CARS1: variants seen among roughly 807,000 people sequenced by gnomAD.
CARS1 encodes cysteinyl-tRNA synthetase 1.
CARS1 carries 48 observed loss-of-function variants against 106.2 expected under a neutral mutation model. The observed-to-expected ratio is 0.45, with a 90% confidence interval of 0.36 to 0.57. The LOEUF (loss-of-function observed/expected upper bound fraction) is 0.57, where lower values mean the gene tolerates loss of function less well. Among genes scored for constraint, CARS1 ranks in the 20% least tolerant of loss-of-function variants. The pLI is 0.00. For synonymous variants in CARS1, 409 were observed against 403.4 expected (o/e 1.01, Z -0.17); for missense variants, 968 against 1,057.2 (o/e 0.92, Z 1.17).
Position 3,020,130 on chromosome 11 carries a change from A to G in CARS1, c.1266+90T>C. 1.2e-6 allele frequency: 1 copy of G among 816,196 alleles called. No individual in the cohort carries two copies. 50.6% of individuals were successfully genotyped at this position (816,196 alleles called of 1,614,324 possible). ...CTGGCCCAGTGACAACATCCTTCAC[A>G]CACAGAGCGGCCCTCTGCTGGGGGC... On this transcript the variant is annotated intron_variant, in intron 11 of 22. Coordinates refer to ENST00000380525, the MANE Select transcript of CARS1 (RefSeq NM_001014437.3). This position sits in a 1 kb window ranked among gnomAD's most constrained non-coding sequence, Gnocchi z 4.6.
rs1851150634 is a variant in CARS1, at chr11:3,017,459, A to C, written c.1728-164T>G. On this transcript the variant is annotated intron_variant, in intron 15 of 22. Transcript: ENST00000380525. This position sits in a 1 kb window ranked among gnomAD's most constrained non-coding sequence, Gnocchi z 4.9. ...GGAGTTCGAGACCAGCCTGACAAACATGGAGAGACCCCCACCTCTACTAAA... is the reference window on the plus strand; with the variant it reads ...GGAGTTCGAGACCAGCCTGACAAACCTGGAGAGACCCCCACCTCTACTAAA... 1 of 610,638 alleles carries C rather than the reference A, an allele frequency of 1.6e-6. No homozygotes were observed. Among genetic ancestry groups the C allele is most frequent in the African/African-American group, 1.8e-5 (1 of 54,174 alleles). 37.8% of individuals were successfully genotyped at this position (610,638 alleles called of 1,614,324 possible). A position where few individuals can be genotyped will look rare whatever the true frequency, so the allele number is the denominator to read the frequency against.
rs1418750702 is a variant in CARS1 at position 3,028,958 on chromosome 11, G to C, written c.1031+38C>G. On this transcript the variant is annotated intron_variant, in intron 9 of 22. Coordinates refer to ENST00000380525, the MANE Select transcript of CARS1 (RefSeq NM_001014437.3). The surrounding 1 kb of genome is among the most constrained non-coding windows in gnomAD (Gnocchi z 4.4). ...GGAGCTCCTCCCTGTGCGATGTTCTGCAGCCCTTCCCTCCCTAGGGAAGGC... is the reference window on the plus strand; with the variant it reads ...GGAGCTCCTCCCTGTGCGATGTTCTCCAGCCCTTCCCTCCCTAGGGAAGGC... 1 of 1,412,672 alleles carries C rather than the reference G, an allele frequency of 7.1e-7. No individual in the cohort carries two copies. The highest frequency in any genetic ancestry group is 1.1e-5 in the South Asian group (1 of 87,020). The allele number at this position is 1,412,672 out of a possible 1,614,324, so 87.5% of individuals were successfully genotyped here.
Position 3,022,632 on chromosome 11 carries a change from G to A in CARS1, c.1154-2300C>T, listed in dbSNP as rs1851669141. ...CTGTCTCTCTCCCCAGAGGCAGAGT[G>A]AGTGTTTCTAGCTTTGACCCTACAA... On this transcript the variant is annotated intron_variant, in intron 10 of 22. Coordinates refer to ENST00000380525, the MANE Select transcript of CARS1 (RefSeq NM_001014437.3). This position sits in a 1 kb window ranked among gnomAD's most constrained non-coding sequence, Gnocchi z 4.9. 6.6e-6 allele frequency among the ~76,000 whole-genome samples: 1 copy of A among 152,206 alleles called. No homozygotes were observed. Among genetic ancestry groups the A allele is most frequent in the South Asian group, 2.1e-4 (1 of 4,826 alleles).
At chr11:3,054,999 A>G (rs1856056181) in intron 1 of CARS1, 1 of 702,394 alleles carries the variant, frequency 1.4e-6, no homozygotes. Flanking sequence ...GCTCTTGGAC[A>G]GGCACCAAGC....
chr11:3,001,325 G>T (rs756159790), intron 22 of CARS1, 77 bp from the exon 23 acceptor site: 69 of 1,523,430 alleles, frequency 4.5e-5, no homozygotes, highest in Non-Finnish European at 6.0e-5. Flanking sequence ...TTGCCCTCCC[G>T]TCTCAAAGTG....
At position 3,002,570 on chromosome 11, in the gene CARS1, C is replaced by T. The variant is rs1208649326; in HGVS notation, c.2248G>A (p.Glu750Lys). The change falls in exon 21 of 23, where the codon GAG (glutamate) becomes AAG (lysine). Residue 750 changes from glutamate to lysine, a missense_variant. Glu to Lys is a moderately conservative substitution (Grantham distance 56). Transcript: ENST00000380525. ...VEEEKRKKKE[E>K]AARRKQEQEA... The stretch of plus-strand genomic sequence containing the variant: ...TGTTCCTGTTTCCTCCGGGCCGCCT[C>T]CTCTTTCTTCTTCCTCTTCTCCTCT... The T allele has an allele frequency of 3.7e-6, 6 of 1,614,098 alleles. No individual in the cohort carries two copies. Among genetic ancestry groups the T allele is most frequent in the Non-Finnish European group, 4.2e-6 (5 of 1,180,014 alleles).
chr11:3,015,202 G>A (rs910624810), intron 17 of CARS1, among the ~76,000 whole-genome samples: 2 of 152,210 alleles, frequency 1.3e-5, no homozygotes, highest in Non-Finnish European at 2.9e-5. Context: ...CCACTAGACA[G>A]GGGGCTCTAC....
intron 1 of CARS1, among the ~76,000 whole-genome samples, chr11:3,054,706 A>G (rs923729082): frequency 2.6e-5 from 4 of 152,240 alleles, no homozygotes; most frequent in African/African-American, 9.6e-5. Flanking sequence ...TCATCTGTAC[A>G]AGATGCCGGC....
At position 3,020,291 on chromosome 11, in the gene CARS1, A is replaced by G; in HGVS notation, c.1195T>C (p.Ser399Pro). 6.2e-7 allele frequency: 1 copy of G among 1,613,964 alleles called. No homozygotes were observed. The highest frequency in any genetic ancestry group is 8.5e-7 in the Non-Finnish European group (1 of 1,179,884). Residue 399 changes from serine (S) to proline (P), a missense_variant, in exon 11 of 23, where the codon TCT becomes CCT. Physicochemically the swap from Ser to Pro is moderately conservative, Grantham distance 74. Coordinates refer to ENST00000380525, the MANE Select transcript of CARS1 (RefSeq NM_001014437.3). The surrounding 1 kb of genome is among the most constrained non-coding windows in gnomAD (Gnocchi z 4.6). ...TTCCATAAGGCAAAGTCGTTGGGAG[A>G]GCGCTTCTCACTCAGGCGGTCTGCA... is the stretch of plus-strand genomic sequence containing the variant. The part of the protein sequence containing the change: ...ISADRLSEKR[S>P]PNDFALWKAS...
rs1300615724 is a variant in CARS1 at position 3,040,703 on chromosome 11, T to C, written c.455+193A>G. On this transcript the variant is annotated intron_variant, in intron 4 of 22. Transcript: ENST00000380525. This position sits in a 1 kb window ranked among gnomAD's most constrained non-coding sequence, Gnocchi z 5.8. Reference sequence around the variant, plus strand: ...TGATCTGTAGTCTTTCTGCAGTGAATATAGATTACTTATGGCATTAAAATT... The same window carrying C: ...TGATCTGTAGTCTTTCTGCAGTGAACATAGATTACTTATGGCATTAAAATT... 2.9e-6 allele frequency: 2 copies of C among 680,162 alleles called. No homozygotes were observed. The highest frequency in any genetic ancestry group is 5.2e-6 in the Non-Finnish European group (2 of 384,684). The allele number at this position is 680,162 out of a possible 1,614,324, so 42.1% of individuals were successfully genotyped here.
intron 22 of CARS1, 56 bp from the exon 23 acceptor site, chr11:3,001,304 C>G (rs959861048): frequency 6.3e-7 from 1 of 1,597,306 alleles, no homozygotes; most frequent in African/African-American, 1.3e-5. Context: ...GTAACCCCAA[C>G]TCCCCTTTCT....
At chr11:3,055,394 G>A (rs1315600576) in intron 1 of CARS1, among the ~76,000 whole-genome samples, 1 of 152,194 alleles carries the variant, frequency 6.6e-6, no homozygotes, top group African/African-American at 2.4e-5. Flanking sequence ...GCCTGCCTCG[G>A]CCTCCCAAAG....
In CARS1 at chr11:3,053,555, C is replaced by T. The variant is rs1444435991; in HGVS notation, c.25+3788G>A. 3.3e-5 allele frequency among the ~76,000 whole-genome samples: 5 copies of T among 152,098 alleles called. No homozygotes were observed. Among genetic ancestry groups the T allele is most frequent in the Admixed American group, 1.3e-4 (2 of 15,264 alleles). On this transcript the variant is annotated intron_variant, in intron 1 of 22. Coordinates refer to ENST00000380525, the MANE Select transcript of CARS1 (RefSeq NM_001014437.3). The surrounding 1 kb of genome is among the most constrained non-coding windows in gnomAD (Gnocchi z 6.6). Reference sequence around the variant, plus strand: ...CTCCTGTAAGCATTTAAACCTCTCCCGGCTGCCCTGTTTCTCTTCCTGCGT... The same window carrying T: ...CTCCTGTAAGCATTTAAACCTCTCCTGGCTGCCCTGTTTCTCTTCCTGCGT...
chr11:3,031,011 T>A (rs992665247), intron 7 of CARS1: 6 of 152,006 alleles, frequency 3.9e-5, no homozygotes, highest in African/African-American at 1.5e-4. Context: ...CGGAGAAGGA[T>A]GAGATGAAAT....
chr11:3,035,311 CA>C (rs1456813390), intron 7 of CARS1, among the ~76,000 whole-genome samples: 2 of 152,134 alleles, frequency 1.3e-5, no homozygotes, highest in African/African-American at 4.8e-5. Context: ...AAGCACTTGA[CA>C]AGATGCTCAG....
rs573364009 is a variant in CARS1 at position 3,000,978 on chromosome 11, C to G, written c.*136G>C. ...CAATGTCTCAGAGCCAACGACGACA[C>G]GAACCTACATGAACACAACTCTTAA... On this transcript the variant is annotated 3_prime_UTR_variant, in exon 23 of 23. Transcript: ENST00000380525. The surrounding 1 kb of genome is among the most constrained non-coding windows in gnomAD (Gnocchi z 7.1). The G allele has an allele frequency of 1.0e-6, 1 of 977,804 alleles. No homozygotes were observed. Among genetic ancestry groups the G allele is most frequent in the African/African-American group, 1.6e-5 (1 of 61,676 alleles). 60.6% of individuals were successfully genotyped at this position (977,804 alleles called of 1,614,324 possible). A position where few individuals can be genotyped will look rare whatever the true frequency, so the allele number is the denominator to read the frequency against.
rs761251202 is a variant in CARS1 at position 3,042,222 on chromosome 11, A to G, written c.309T>C (p.Pro103=). The change falls in exon 3 of 23, where the codon CCT becomes CCC. Residue 103 remains proline, a synonymous_variant. Transcript: ENST00000380525. ...GTCTGCATGGCTGGGTCCCAGCAGG[A>G]GGGGACCACTGGGGCTGCACACGCC... ...KGRRVQPQWS[P]PAGTQPCRLH... 19 of 1,613,404 alleles carry G rather than the reference A, an allele frequency of 1.2e-5. No individual in the cohort carries two copies. In the Admixed American group the frequency reaches 3.2e-4, roughly 27 times the overall value.
At chr11:3,011,441 TAAA>T (rs5789291) in intron 18 of CARS1, among the ~76,000 whole-genome samples, 4 of 145,344 alleles carry the variant, frequency 2.8e-5, no homozygotes, top group Non-Finnish European at 1.5e-5. Context: ...CCATCTCTGC[TAAA>T]AAAAAAAAAA....
In CARS1 at chr11:3,017,082, ACG is replaced by A. The variant is rs1176254936; in HGVS notation, c.1917+22_1917+23del. 1 of 1,599,734 alleles carries A rather than the reference ACG, an allele frequency of 6.3e-7. No individual in the cohort carries two copies. The highest frequency in any genetic ancestry group is 1.1e-5 in the South Asian group (1 of 90,252). ...CCTGTGTCCACACAGGCTGAGGGAT[ACG>A]CCTGCCTGGGGCCTGGCTTACCTTC... On this transcript the variant is annotated intron_variant, in intron 16 of 22. Transcript: ENST00000380525. This position sits in a 1 kb window ranked among gnomAD's most constrained non-coding sequence, Gnocchi z 4.9.
Sources: allele counts gnomAD v4.1 joint callset (sites outside exome capture counted in the v4.1 genomes callset), GRCh38; gene constraint gnomAD v4.1.1; non-coding constraint Gnocchi (gnomAD v3.1); transcripts MANE v1.5; gene names NCBI Gene and HGNC (gene_info 2026-07-23, HGNC 2026-07-21).